KIAA1614: variants seen among roughly 807,000 people sequenced by gnomAD.
KIAA1614 encodes KIAA1614.
A neutral mutation model predicts 88.7 loss-of-function variants in KIAA1614; 76 were observed. That is an observed-to-expected ratio of 0.86 (90% CI 0.71 to 1.04). KIAA1614 has a LOEUF of 1.04. Ranked by LOEUF, KIAA1614 falls within the 50% of genes least tolerant of loss-of-function variation. The probability of loss-of-function intolerance (pLI) is 0.00; values close to 1 mark genes in which losing one functional copy is unlikely to be tolerated. For synonymous variants in KIAA1614, 714 were observed against 675.5 expected (o/e 1.06, Z -0.88); for missense variants, 1,553 against 1,582.5 (o/e 0.98, Z 0.32).
In KIAA1614 at chr1:180,917,881, C is replaced by G; in HGVS notation, c.1028C>G (p.Ser343Trp). ...ERPVGDVDWASGTSLQDSGQN... is the reference protein window; with the variant it reads ...ERPVGDVDWAWGTSLQDSGQN... ...CCAGTGGGGGATGTGGACTGGGCCT[C>G]GGGCACCTCCTTGCAGGACTCCGGC... Residue 343 changes from serine to tryptophan, a missense_variant, in exon 3 of 9, where the codon TCG (serine) becomes TGG (tryptophan). Coordinates refer to ENST00000367588, the MANE Select transcript of KIAA1614 (RefSeq NM_020950.2). The G allele has an allele frequency of 6.2e-7, 1 of 1,613,970 alleles. No individual in the cohort carries two copies. The highest frequency in any genetic ancestry group is 8.5e-7 in the Non-Finnish European group (1 of 1,179,986).
At chr1:180,928,192 AG>A in intron 3 of KIAA1614, 1 of 430,666 alleles carries the variant, frequency 2.3e-6, no homozygotes, top group Non-Finnish European at 4.1e-6. Context: ...CAGATGTCCA[AG>A]GCCGGGCCAG....
At position 180,936,483 on chromosome 1, in the gene KIAA1614, C is replaced by G. The variant is rs1182652049; in HGVS notation, c.2574C>G (p.Pro858=). ...RSAVLRTCEL[P]PSQTQPSRPQ... is the part of the protein sequence containing the mutation. ...CGGTTCTCAGGACCTGTGAGCTGCC[C>G]CCATCACAGACCCAGCCCAGCCGCC... The change falls in exon 5 of 9, where the codon CCC becomes CCG. Residue 858 remains proline, a synonymous_variant. Transcript: ENST00000367588. 7 of 1,613,762 alleles carry G rather than the reference C, an allele frequency of 4.3e-6. No individual in the cohort carries two copies. The highest frequency in any genetic ancestry group is 5.9e-6 in the Non-Finnish European group (7 of 1,179,914).
intron 3 of KIAA1614, among the ~76,000 whole-genome samples, chr1:180,918,789 G>C (rs1435611571): frequency 6.6e-6 from 1 of 152,226 alleles, no homozygotes; most frequent in Admixed American, 6.5e-5. Context: ...TCCAGAAAAC[G>C]TGGACAGACC....
Position 180,945,429 on chromosome 1 carries a change from C to A in KIAA1614, c.3414C>A (p.Arg1138=). ...PDGTSQLQLQ[R]SPGGTFGFCV... is the part of the protein sequence containing the mutation. ...GCACCAGCCAGCTGCAGCTGCAGCG[C>A]TCCCCAGGGGGCACTTTCGGCTTCT... is the stretch of plus-strand genomic sequence containing the variant. The change falls in exon 9 of 9, where the codon CGC becomes CGA. Residue 1138 remains arginine (R), a synonymous_variant. Transcript: ENST00000367588. 6.2e-7 allele frequency: 1 copy of A among 1,608,940 alleles called. No individual in the cohort carries two copies.
At chr1:180,941,600 C>T (rs1654466945) in intron 7 of KIAA1614, among the ~76,000 whole-genome samples, 1 of 152,222 alleles carries the variant, frequency 6.6e-6, no homozygotes, top group African/African-American at 2.4e-5. Flanking sequence ...CTGGAAACTT[C>T]TCCATGGCCA....
chr1:180,929,019 A>C (rs1050070362), intron 4 of KIAA1614, among the ~76,000 whole-genome samples: 3 of 152,234 alleles, frequency 2.0e-5, no homozygotes, highest in African/African-American at 7.2e-5. Flanking sequence ...CAAGATAGGC[A>C]CTGGCAAGCA....
intron 3 of KIAA1614, among the ~76,000 whole-genome samples, chr1:180,923,356 C>T (rs1571287076): frequency 6.6e-6 from 1 of 152,196 alleles, no homozygotes; most frequent in Non-Finnish European, 1.5e-5. Context: ...CAGCCACCAG[C>T]CGTCTCATTA....
chr1:180,913,340 G>T, intron 1 of KIAA1614, 47 bp downstream of exon 1: 1 of 1,200,788 alleles, frequency 8.3e-7, no homozygotes, highest in South Asian at 4.1e-5. Flanking sequence ...GGGGGTGGCG[G>T]ACCGGCGGGG....
rs1654333039 is a variant in KIAA1614 at position 180,936,335 on chromosome 1, C to T, written c.2426C>T (p.Thr809Ile). Residue 809 changes from threonine to isoleucine, a missense_variant, in exon 5 of 9, where the codon ACC becomes ATC. By Grantham distance (89) the Thr-to-Ile change is moderately conservative (BLOSUM62 -1). Coordinates refer to ENST00000367588, the MANE Select transcript of KIAA1614 (RefSeq NM_020950.2). Reference sequence around the variant, plus strand: ...TTGTGTCCTGAAGGCTGGGCGCCAACCCCTCCCCCTTCGAGGAAAACCACC... The same window carrying T: ...TTGTGTCCTGAAGGCTGGGCGCCAATCCCTCCCCCTTCGAGGAAAACCACC... ...ASLCPEGWAP[T>I]PPPSRKTTSP... is the part of the protein sequence containing the mutation. 1.9e-6 allele frequency: 3 copies of T among 1,614,134 alleles called. No individual in the cohort carries two copies. The highest frequency in any genetic ancestry group is 2.2e-5 in the South Asian group (2 of 91,080).
chr1:180,927,430 G>C (rs756612569), intron 3 of KIAA1614, among the ~76,000 whole-genome samples: 2 of 152,244 alleles, frequency 1.3e-5, no homozygotes, highest in African/African-American at 4.8e-5. Flanking sequence ...GCTGGCTGTC[G>C]TGTGCTCTGC....
Position 180,950,205 on chromosome 1 carries a change from G to A in KIAA1614, c.*4617G>A, listed in dbSNP as rs1056333263. ...GAGGGGTGTGTGTATGTGTGCATGC[G>A]CACAGAGAAGTGCCTGGTATGAGCA... On this transcript the variant is annotated 3_prime_UTR_variant, in exon 9 of 9. Coordinates refer to ENST00000367588, the MANE Select transcript of KIAA1614 (RefSeq NM_020950.2). 14 of 387,110 alleles carry A rather than the reference G, an allele frequency of 3.6e-5. No individual in the cohort carries two copies. The highest frequency in any genetic ancestry group is 5.9e-5 in the South Asian group (2 of 33,912). The allele number at this position is 387,110 out of a possible 1,614,324, so 24.0% of individuals were successfully genotyped here. A position where few individuals can be genotyped will look rare whatever the true frequency, so the allele number is the denominator to read the frequency against.
Position 180,947,794 on chromosome 1 carries a change from A to G in KIAA1614, c.*2206A>G, listed in dbSNP as rs1034528302. 1 of 152,204 alleles carries G rather than the reference A, an allele frequency of 6.6e-6. No individual in the cohort carries two copies. Among genetic ancestry groups the G allele is most frequent in the African/African-American group, 2.4e-5 (1 of 41,450 alleles). The allele number at this position is 152,204 out of a possible 1,614,324, so 9.4% of individuals were successfully genotyped here. On this transcript the variant is annotated 3_prime_UTR_variant, in exon 9 of 9. Coordinates refer to ENST00000367588, the MANE Select transcript of KIAA1614 (RefSeq NM_020950.2). ...AATGAGGATGACAAAACCTACCTAG[A>G]AGAGTCATAAGGAGCATTTGGTAAG...
Position 180,935,472 on chromosome 1 carries a change from C to G in KIAA1614, c.1563C>G (p.Arg521=). ...ACAGGCTTGTGGGCAGCCTGGACCGCAGGGGACACCCGGCACCGCCGGCAC... is the reference window on the plus strand; with the variant it reads ...ACAGGCTTGTGGGCAGCCTGGACCGGAGGGGACACCCGGCACCGCCGGCAC... ...TFHRLVGSLD[R]RGHPAPPAPG... The change falls in exon 5 of 9, where the codon CGC becomes CGG. Residue 521 remains arginine (R), a synonymous_variant. Coordinates refer to ENST00000367588, the MANE Select transcript of KIAA1614 (RefSeq NM_020950.2). This position sits in a 1 kb window ranked among gnomAD's most constrained non-coding sequence, Gnocchi z 6.1. 1.4e-6 allele frequency: 2 copies of G among 1,473,460 alleles called. No homozygotes were observed. Among genetic ancestry groups the G allele is most frequent in the Non-Finnish European group, 1.8e-6 (2 of 1,118,200 alleles). The allele number at this position is 1,473,460 out of a possible 1,614,324, so 91.3% of individuals were successfully genotyped here.
intron 3 of KIAA1614, 50 bp downstream of exon 3, chr1:180,917,964 C>A: frequency 6.7e-7 from 1 of 1,482,536 alleles, no homozygotes. Context: ...CACCATGGTC[C>A]CTCTATTTAC....
chr1:180,946,633 T>TA lies in KIAA1614; in HGVS notation c.*1046dup, dbSNP rs1477259669. The TA allele has an allele frequency of 6.6e-6, 1 of 152,356 alleles. No homozygotes were observed. 9.4% of individuals were successfully genotyped at this position (152,356 alleles called of 1,614,324 possible). A position where few individuals can be genotyped will look rare whatever the true frequency, so the allele number is the denominator to read the frequency against. ...AAGGAGAGAGAAAGGGAGAGACAGA[T>TA]ACAGAAAGACGAACACAGAAGCCTG... On this transcript the variant is annotated 3_prime_UTR_variant, in exon 9 of 9. Transcript: ENST00000367588.
Position 180,916,130 on chromosome 1 carries a change from A to C in KIAA1614, c.51-24A>C, listed in dbSNP as rs74133666. 1,924 of 1,520,100 alleles carry C rather than the reference A, an allele frequency of 1.3e-3. 21 individuals carry two copies. In the African/African-American group the frequency reaches 0.024, roughly 19 times the overall value. 94.2% of individuals were successfully genotyped at this position (1,520,100 alleles called of 1,614,324 possible). ...GGTTAGTCCTGTGCTGGGTCTTAGG[A>C]ACTCTGTCTGTTTTCTCCTCCAGAG... On this transcript the variant is annotated intron_variant, in intron 1 of 8. Coordinates refer to ENST00000367588, the MANE Select transcript of KIAA1614 (RefSeq NM_020950.2).
intron 1 of KIAA1614, among the ~76,000 whole-genome samples, chr1:180,915,321 G>T (rs1274590699): frequency 6.6e-6 from 1 of 152,176 alleles, no homozygotes; most frequent in Non-Finnish European, 1.5e-5. Flanking sequence ...ATCCTGCTTG[G>T]TGTCTTCCTG....
rs1571278747 is a variant in KIAA1614, at chr1:180,913,215, G to T, written c.-29G>T. The T allele has an allele frequency of 2.0e-5, 25 of 1,257,842 alleles. No homozygotes were observed. The highest frequency in any genetic ancestry group is 2.5e-5 in the Non-Finnish European group (25 of 994,718). The allele number at this position is 1,257,842 out of a possible 1,614,324, so 77.9% of individuals were successfully genotyped here. A position where few individuals can be genotyped will look rare whatever the true frequency, so the allele number is the denominator to read the frequency against. ...AGCAGCTGGCCTGGGAGGGAGAAGG[G>T]GCTGGAGAGGGCCTGGCCTCTCCGA... On this transcript the variant is annotated 5_prime_UTR_variant, in exon 1 of 9. Coordinates refer to ENST00000367588, the MANE Select transcript of KIAA1614 (RefSeq NM_020950.2).
chr1:180,934,354 C>T (rs1456918075), intron 4 of KIAA1614, among the ~76,000 whole-genome samples: 1 of 151,916 alleles, frequency 6.6e-6, no homozygotes, highest in African/African-American at 2.4e-5. Flanking sequence ...TTTGGGAGGC[C>T]GAGGTGGGAG....
Sources: allele counts gnomAD v4.1 joint callset (sites outside exome capture counted in the v4.1 genomes callset), GRCh38; gene constraint gnomAD v4.1.1; non-coding constraint Gnocchi (gnomAD v3.1); transcripts MANE v1.5; gene names NCBI Gene and HGNC (gene_info 2026-07-23, HGNC 2026-07-21).